The following AVPR1B variants were observed in gnomAD, a reference collection of about 807,000 sequenced individuals.
AVPR1B encodes the protein arginine vasopressin receptor 1B.
AVPR1B carries 25 observed loss-of-function variants against 27.5 expected under a neutral mutation model. That is an observed-to-expected ratio of 0.91 (90% CI 0.66 to 1.27). The LOEUF (loss-of-function observed/expected upper bound fraction) is 1.27. Among genes scored for constraint, AVPR1B ranks in the 50% most tolerant of loss-of-function variants. The pLI is 0.00. For missense variants in AVPR1B, 595 were observed against 556.9 expected, an observed-to-expected ratio of 1.07 and a Z score of -0.69; for synonymous variants, 248 against 240.2, an observed-to-expected ratio of 1.03 and a Z score of -0.30.
In AVPR1B at chr1:206,117,206, G is replaced by T. The variant is rs1663495700; in HGVS notation, c.-316C>A. 3 of 327,798 alleles carry T rather than the reference G, an allele frequency of 9.2e-6. No homozygotes were observed. The highest frequency in any genetic ancestry group is 1.7e-5 in the Non-Finnish European group (3 of 178,948). The allele number at this position is 327,798 out of a possible 1,614,324, so 20.3% of individuals were successfully genotyped here. On this transcript the variant is annotated 5_prime_UTR_variant, in exon 1 of 2. Transcript: ENST00000367126. ...GTGAGGCTTCTGGGAGGGAAAGAAG[G>T]CTGGGGAGGGGCTACCACCCTCCAA... is the stretch of plus-strand genomic sequence containing the variant.
rs1558186324 is a variant in AVPR1B, at chr1:206,116,849, C to A, written c.42G>T (p.Arg14=). Residue 14 remains arginine, a synonymous_variant, in exon 1 of 2, where the codon CGG becomes CGT. Transcript: ENST00000367126. Reference sequence around the variant, plus strand: ...TGGCATTGGGGGCAGAGAGGGTGCCCCGAGGGGTGGGGTTGGCATCCCACA... The same window carrying A: ...TGGCATTGGGGGCAGAGAGGGTGCCACGAGGGGTGGGGTTGGCATCCCACA... ...GPLWDANPTP[R]GTLSAPNATT... is the part of the protein sequence containing the mutation. 1 of 1,613,480 alleles carries A rather than the reference C, an allele frequency of 6.2e-7. No homozygotes were observed. The highest frequency in any genetic ancestry group is 8.5e-7 in the Non-Finnish European group (1 of 1,179,844).
At position 206,107,984 on chromosome 1, in the gene AVPR1B, A is replaced by G. The variant is rs551846420; in HGVS notation, c.*2205T>C. ...AACTTGCTTAAGTTGATACAGGTAG[A>G]AAAGGGGTGAGATCAAGATGCAAAC... On this transcript the variant is annotated 3_prime_UTR_variant, in exon 2 of 2. Transcript: ENST00000367126. Among the ~76,000 whole-genome samples, 15 of 152,380 alleles carry G rather than the reference A, an allele frequency of 9.8e-5. No individual in the cohort carries two copies. In the South Asian group the frequency reaches 2.7e-3, roughly 27 times the overall value.
Position 206,110,441 on chromosome 1 carries a change from G to A in AVPR1B, c.1023C>T (p.Phe341=), listed in dbSNP as rs1553289660. 2 of 1,614,026 alleles carry A rather than the reference G, an allele frequency of 1.2e-6. No individual in the cohort carries two copies. Among genetic ancestry groups the A allele is most frequent in the Non-Finnish European group, 1.7e-6 (2 of 1,179,976 alleles). ...SCCNPWIYMG[F]NSHLLPRPLR... is the part of the protein sequence containing the mutation. ...GGGGCCGCGGTAACAGGTGGCTGTTGAAGCCCATGTAGATCCAGGGGTTGC... is the reference window on the plus strand; with the variant it reads ...GGGGCCGCGGTAACAGGTGGCTGTTAAAGCCCATGTAGATCCAGGGGTTGC... The change falls in exon 2 of 2, where the codon TTC becomes TTT. Residue 341 remains phenylalanine (F), a synonymous_variant. Coordinates refer to ENST00000367126, the MANE Select transcript of AVPR1B (RefSeq NM_000707.5).
rs1558186504 is a variant in AVPR1B at position 206,117,253 on chromosome 1, C to G, written c.-363G>C. 4.7e-6 allele frequency: 1 copy of G among 210,806 alleles called. No individual in the cohort carries two copies. 13.1% of individuals were successfully genotyped at this position (210,806 alleles called of 1,614,324 possible). ...CCAATCCGCCTCAAATTCTCTTTCT[C>G]CAAACTTTTCTGGAAGCCAAGAGCG... On this transcript the variant is annotated 5_prime_UTR_variant, in exon 1 of 2. Coordinates refer to ENST00000367126, the MANE Select transcript of AVPR1B (RefSeq NM_000707.5).
At position 206,116,803 on chromosome 1, in the gene AVPR1B, C is replaced by T; in HGVS notation, c.88G>A (p.Asp30Asn). The change falls in exon 1 of 2, where the codon GAT (aspartate) becomes AAT (asparagine). Residue 30 changes from aspartate (D) to asparagine (N), a missense_variant. Physicochemically the swap from Asp to Asn is conservative, Grantham distance 23. Coordinates refer to ENST00000367126, the MANE Select transcript of AVPR1B (RefSeq NM_000707.5). ...ATCTCCACCTTGGCCAGCTCCTCAT[C>T]CCGGCCCAGCCAGGGTGTTGTGGCA... ...PNATTPWLGRDEELAKVEIGV... is the reference protein window; with the variant it reads ...PNATTPWLGRNEELAKVEIGV... 1 of 1,614,058 alleles carries T rather than the reference C, an allele frequency of 6.2e-7. No individual in the cohort carries two copies. The highest frequency in any genetic ancestry group is 8.5e-7 in the Non-Finnish European group (1 of 1,179,992).
intron 1 of AVPR1B, among the ~76,000 whole-genome samples, chr1:206,110,882 A>T (rs1663365778): frequency 6.6e-6 from 1 of 152,188 alleles, no homozygotes; most frequent in Non-Finnish European, 1.5e-5. Context: ...TGAGTCCCCT[A>T]ATGGCTGTAG....
chr1:206,108,106 T>G lies in AVPR1B; in HGVS notation c.*2083A>C, dbSNP rs1663308365. On this transcript the variant is annotated 3_prime_UTR_variant, in exon 2 of 2. Coordinates refer to ENST00000367126, the MANE Select transcript of AVPR1B (RefSeq NM_000707.5). ...CTCTAGGCATTAGGGTCAGAAACTG[T>G]GGTCTAAAGATGGGGCAAGGGGGTG... is the stretch of plus-strand genomic sequence containing the variant. 6.6e-6 allele frequency among the ~76,000 whole-genome samples: 1 copy of G among 151,204 alleles called. No homozygotes were observed. Among genetic ancestry groups the G allele is most frequent in the African/African-American group, 2.4e-5 (1 of 41,036 alleles).
Position 206,115,951 on chromosome 1 carries a change from C to T in AVPR1B, c.940G>A (p.Asp314Asn). 4 of 1,592,406 alleles carry T rather than the reference C, an allele frequency of 2.5e-6. No homozygotes were observed. Among genetic ancestry groups the T allele is most frequent in the Non-Finnish European group, 3.4e-6 (4 of 1,165,686 alleles). The part of the protein sequence containing the change: ...SVWDKNAPDE[D>N]STNVAFTISM... Reference sequence around the variant, plus strand: ...CTGCCCCCACATAGACCCCACTTGCCTTCATCAGGGGCATTCTTGTCCCAC... The same window carrying T: ...CTGCCCCCACATAGACCCCACTTGCTTTCATCAGGGGCATTCTTGTCCCAC... The change falls in exon 1 of 2, where the codon GAT becomes AAT. Residue 314 changes from aspartate to asparagine, a missense_variant and splice_region_variant. Transcript: ENST00000367126.
chr1:206,115,485 C>G (rs1439025094), intron 1 of AVPR1B, among the ~76,000 whole-genome samples: 1 of 152,158 alleles, frequency 6.6e-6, no homozygotes, highest in Non-Finnish European at 1.5e-5. Flanking sequence ...AGAGGTTGAA[C>G]TGGAAATTTC....
Position 206,116,813 on chromosome 1 carries a change from C to T in AVPR1B, c.78G>A (p.Trp26Ter). Residue 26 changes from tryptophan (W) to a stop codon, truncating the protein, a stop_gained, in exon 1 of 2, where the codon TGG becomes TGA. Coordinates refer to ENST00000367126, the MANE Select transcript of AVPR1B (RefSeq NM_000707.5). LOFTEE classifies it high-confidence loss of function. Reference sequence around the variant, plus strand: ...TGGCCAGCTCCTCATCCCGGCCCAGCCAGGGTGTTGTGGCATTGGGGGCAG... The same window carrying T: ...TGGCCAGCTCCTCATCCCGGCCCAGTCAGGGTGTTGTGGCATTGGGGGCAG... ...TLSAPNATTPWLGRDEELAKV... is the reference protein window; with the variant it reads ...TLSAPNATTP 2 of 1,614,034 alleles carry T rather than the reference C, an allele frequency of 1.2e-6. No homozygotes were observed. Among genetic ancestry groups the T allele is most frequent in the Non-Finnish European group, 1.7e-6 (2 of 1,179,984 alleles).
intron 1 of AVPR1B, among the ~76,000 whole-genome samples, chr1:206,112,348 G>T (rs1553289954): frequency 1.3e-5 from 2 of 152,168 alleles, no homozygotes; most frequent in African/African-American, 4.8e-5. Flanking sequence ...CTGGTTGTTT[G>T]AAAGAGTCTG....
Position 206,110,423 on chromosome 1 carries a change from C to T in AVPR1B, c.1041G>A (p.Pro347=), listed in dbSNP as rs368910545. 5.5e-5 allele frequency: 89 copies of T among 1,613,628 alleles called. 2 individuals carry two copies. In the Admixed American group the frequency reaches 1.0e-3, roughly 19 times the overall value. Residue 347 remains proline, a synonymous_variant, in exon 2 of 2, where the codon CCG becomes CCA. Transcript: ENST00000367126. The stretch of plus-strand genomic sequence containing the variant: ...AGCAGGCAAGGTGACGCAGGGGCCG[C>T]GGTAACAGGTGGCTGTTGAAGCCCA... ...IYMGFNSHLL[P]RPLRHLACCG...
In AVPR1B at chr1:206,117,235, G is replaced by A. The variant is rs551789820; in HGVS notation, c.-345C>T. 2.3e-4 allele frequency: 58 copies of A among 250,212 alleles called. 3 individuals carry two copies. In the South Asian group the frequency reaches 5.9e-3, roughly 25 times the overall value. The allele number at this position is 250,212 out of a possible 1,614,324, so 15.5% of individuals were successfully genotyped here. ...GGGAGGGGCTACCACCCTCCAATCCGCCTCAAATTCTCTTTCTCCAAACTT... is the reference window on the plus strand; with the variant it reads ...GGGAGGGGCTACCACCCTCCAATCCACCTCAAATTCTCTTTCTCCAAACTT... On this transcript the variant is annotated 5_prime_UTR_variant, in exon 1 of 2. Coordinates refer to ENST00000367126, the MANE Select transcript of AVPR1B (RefSeq NM_000707.5).
At position 206,112,134 on chromosome 1, in the gene AVPR1B, G is replaced by A. The variant is rs1007786078; in HGVS notation, c.941-1611C>T. Among the ~76,000 whole-genome samples the A allele has an allele frequency of 1.1e-4, 16 of 152,254 alleles. 1 individual carries two copies. The South Asian group carries it at 3.3e-3, about 32-fold the overall frequency. On this transcript the variant is annotated intron_variant, in intron 1 of 1. Coordinates refer to ENST00000367126, the MANE Select transcript of AVPR1B (RefSeq NM_000707.5). ...CGCTTGAACCCGAGAGGCAGAGATT[G>A]CAGTGAGCTGAGATCGCGCCATTGC...
rs782474089 is a variant in AVPR1B, at chr1:206,110,346, G to C, written c.1118C>G (p.Ser373Trp). The C allele has an allele frequency of 5.6e-6, 9 of 1,609,932 alleles. No individual in the cohort carries two copies. The highest frequency in any genetic ancestry group is 2.2e-5 in the East Asian group (1 of 44,750). Residue 373 changes from serine (S) to tryptophan (W), a missense_variant, in exon 2 of 2, where the codon TCG becomes TGG. Physicochemically the swap from Ser to Trp is radical, Grantham distance 177. Coordinates refer to ENST00000367126, the MANE Select transcript of AVPR1B (RefSeq NM_000707.5). Reference protein sequence around the residue: ...MRRRLSDGSLSSRHTTLLTRS... With the variant: ...MRRRLSDGSLWSRHTTLLTRS... ...GGTCAGCAGCGTGGTGTGGCGGCTC[G>C]AGAGGCTGCCGTCGGAGAGCCGCCG... is the stretch of plus-strand genomic sequence containing the variant.
rs148859754 is a variant in AVPR1B at position 206,111,605 on chromosome 1, A to G, written c.941-1082T>C. On this transcript the variant is annotated intron_variant, in intron 1 of 1. Coordinates refer to ENST00000367126, the MANE Select transcript of AVPR1B (RefSeq NM_000707.5). ...CTTTCAGCTCTAAGGTAGAGATCCT[A>G]TACTCCACCAGAGCTTCAACCAGTA... Among the ~76,000 whole-genome samples, 1,122 of 152,346 alleles carry G rather than the reference A, an allele frequency of 7.4e-3. 8 individuals are homozygous for G. Among genetic ancestry groups the G allele is most frequent in the Middle Eastern group, 0.034 (10 of 294 alleles).
At chr1:206,112,366 T>C (rs781933515) in intron 1 of AVPR1B, among the ~76,000 whole-genome samples, 7 of 152,196 alleles carry the variant, frequency 4.6e-5, no homozygotes, top group Non-Finnish European at 7.3e-5. Context: ...CTGGGACCTC[T>C]CCCTTCTCTG....
In AVPR1B at chr1:206,110,373, C is replaced by T. The variant is rs28632197; in HGVS notation, c.1091G>A (p.Arg364His). The T allele has an allele frequency of 0.12, 187,010 of 1,609,800 alleles. 11,568 individuals are homozygous for T. Among genetic ancestry groups the T allele is most frequent in the South Asian group, 0.21 (19,245 of 90,744 alleles). ...GAGGCTGCCGTCGGAGAGCCGCCGG[C>T]GCATCCTGGGCTGGGGACCCCCACA... ...ACCGGPQPRM[R>H]RRLSDGSLSS... is the part of the protein sequence containing the mutation. Residue 364 changes from arginine (R) to histidine (H), a missense_variant, in exon 2 of 2, where the codon CGC (arginine) becomes CAC (histidine). Transcript: ENST00000367126.
In AVPR1B at chr1:206,109,818, T is replaced by C. The variant is rs1287179176; in HGVS notation, c.*371A>G. On this transcript the variant is annotated 3_prime_UTR_variant, in exon 2 of 2. Coordinates refer to ENST00000367126, the MANE Select transcript of AVPR1B (RefSeq NM_000707.5). ...CCAGTCAGGTTAGAATGGAGACAGG[T>C]AGCCAGGGCACAAGGCCAGCCTCTG... 1.5e-5 allele frequency: 3 copies of C among 201,814 alleles called. No homozygotes were observed. The highest frequency in any genetic ancestry group is 3.0e-5 in the Non-Finnish European group (3 of 100,992). The allele number at this position is 201,814 out of a possible 1,614,324, so 12.5% of individuals were successfully genotyped here.
Sources: gnomAD v4.1 joint callset for allele counts (sites outside exome capture counted in the v4.1 genomes callset) on GRCh38, gnomAD v4.1.1 for gene constraint, MANE v1.5 for transcripts, NCBI Gene and HGNC (gene_info 2026-07-23, HGNC 2026-07-21) for gene names.